Variants in HEPH observed in about 807,000 individuals in gnomAD.
The protein encoded by HEPH is hephaestin.
In HEPH, 69 loss-of-function variants were observed where a neutral mutation model predicts 80.8. The ratio of observed to expected loss-of-function variants is 0.85; its 90% confidence interval spans 0.70 to 1.04. The LOEUF is 1.04. Among genes scored for constraint, HEPH ranks in the 50% least tolerant of loss-of-function variants. HEPH has a pLI of 0.00. For missense variants in HEPH, 1,115 were observed against 891.3 expected (o/e 1.25, Z -3.20); for synonymous variants, 431 against 322.8 (o/e 1.34, Z -3.60).
At position 66,266,858 on chromosome X, in the gene HEPH, C is replaced by T. The variant is rs1310901378; in HGVS notation, c.*186C>T. 3 of 416,505 alleles carry T rather than the reference C, an allele frequency of 7.2e-6. No individual in the cohort carries two copies. Among genetic ancestry groups the T allele is most frequent in the African/African-American group, 2.5e-5 (1 of 40,003 alleles). 34.3% of individuals were successfully genotyped at this position (416,505 alleles called of 1,213,427 possible). A position where few individuals can be genotyped will look rare whatever the true frequency, so the allele number is the denominator to read the frequency against. On this transcript the variant is annotated 3_prime_UTR_variant, in exon 21 of 21. Coordinates refer to ENST00000343002, the MANE Select transcript of HEPH (RefSeq NM_001367233.3). ...TGGAAATAATATGATTTCACTTTTT[C>T]TTTAGTTTCTTTGCTCTACGTGGGC... is the stretch of plus-strand genomic sequence containing the variant.
chrX:66,196,282 ATGTG>A (rs2088089619), intron 9 of HEPH, among the ~76,000 whole-genome samples: 1 of 111,699 alleles, frequency 9.0e-6, no homozygotes, highest in Non-Finnish European at 1.9e-5. Flanking sequence ...AACTGTATGT[ATGTG>A]TGTGTAGATG....
In HEPH at chrX:66,197,905, G is replaced by A. The variant is rs2088193119; in HGVS notation, c.1713+11G>A. The A allele has an allele frequency of 4.2e-6, 5 of 1,177,019 alleles. No individual in the cohort carries two copies. Among genetic ancestry groups the A allele is most frequent in the Non-Finnish European group, 5.7e-6 (5 of 876,142 alleles). On this transcript the variant is annotated intron_variant, in intron 10 of 20. Coordinates refer to ENST00000343002, the MANE Select transcript of HEPH (RefSeq NM_001367233.3). ...GCAGATGGCAAGCAGGTATTGTCAG[G>A]GTTATCTGGCTGGAAAGCCTGCTGG...
At chrX:66,234,324 G>C in intron 15 of HEPH, among the ~76,000 whole-genome samples, 1 of 110,966 alleles carries the variant, frequency 9.0e-6, no homozygotes, top group African/African-American at 3.3e-5. Context: ...TACTATTGAT[G>C]GGCATTTCAG....
chrX:66,175,571 G>A (rs1021303550), intron 4 of HEPH, among the ~76,000 whole-genome samples: 7 of 111,088 alleles, frequency 6.3e-5, no homozygotes, highest in Non-Finnish European at 1.1e-4. Flanking sequence ...GATGGGAATT[G>A]CATTGAATTT....
chrX:66,213,193 C>G (rs2089227639), intron 15 of HEPH, among the ~76,000 whole-genome samples: 1 of 107,603 alleles, frequency 9.3e-6, no homozygotes, highest in South Asian at 4.2e-4. Context: ...CCTTCCCCCA[C>G]CCCACAACAG....
At chrX:66,163,766 T>G (rs1456469098), upstream of HEPH, among the ~76,000 whole-genome samples, 1 of 112,105 alleles carries the variant, frequency 8.9e-6, no homozygotes, top group Non-Finnish European at 1.9e-5. Flanking sequence ...AGAGCTGAAT[T>G]TTCCTCAGTT....
At chrX:66,265,204 T>C (rs1229436169) in intron 20 of HEPH, among the ~76,000 whole-genome samples, 2 of 110,926 alleles carry the variant, frequency 1.8e-5, no homozygotes, top group Non-Finnish European at 3.8e-5. Flanking sequence ...TTGAATTACA[T>C]TGATTGATGT....
chrX:66,220,117 A>T (rs896883582), intron 15 of HEPH, among the ~76,000 whole-genome samples: 9 of 111,155 alleles, frequency 8.1e-5, no homozygotes, highest in Non-Finnish European at 1.1e-4. Context: ...TTGAGCCAGG[A>T]ATTCATCAGG....
intron 1 of HEPH, among the ~76,000 whole-genome samples, chrX:66,166,235 C>A (rs2086354733): frequency 9.0e-6 from 1 of 111,069 alleles, no homozygotes; most frequent in Admixed American, 9.6e-5. Flanking sequence ...CTCTTGTTGC[C>A]CAGGCTGGAG....
rs1320619755 is a variant in HEPH, at chrX:66,260,227, G to T, written c.3164G>T (p.Gly1055Val). ...CATGTGACTGACCATGTCCATGCTG[G>T]CATGGAGACCCTCTTCACTGTTTTT... ...HCHVTDHVHA[G>V]METLFTVFSR... The change falls in exon 19 of 21, where the codon GGC becomes GTC. Residue 1055 changes from glycine to valine, a missense_variant. Around this residue, in one of 3 missense-constraint regions of HEPH, gnomAD observed 716 missense variants for 523.5 expected, o/e 1.37. Coordinates refer to ENST00000343002, the MANE Select transcript of HEPH (RefSeq NM_001367233.3). The T allele has an allele frequency of 8.3e-7, 1 of 1,209,108 alleles. No homozygotes were observed. Among genetic ancestry groups the T allele is most frequent in the Admixed American group, 2.2e-5 (1 of 45,925 alleles).
intron 17 of HEPH, among the ~76,000 whole-genome samples, chrX:66,258,553 G>A (rs1475056253): frequency 9.0e-6 from 1 of 111,655 alleles, no homozygotes; most frequent in Admixed American, 9.5e-5. Flanking sequence ...GTTGGGTGAA[G>A]TAAGGATCCA....
intron 4 of HEPH, among the ~76,000 whole-genome samples, chrX:66,177,178 AG>A (rs1337104877): frequency 9.0e-6 from 1 of 111,419 alleles, no homozygotes; most frequent in Non-Finnish European, 1.9e-5. Context: ...GATGGTCTGT[AG>A]TTTTCTTTTC....
chrX:66,206,372 T>G (rs2088779690), intron 13 of HEPH, among the ~76,000 whole-genome samples: 1 of 61,971 alleles, frequency 1.6e-5, no homozygotes, highest in African/African-American at 8.6e-5. Flanking sequence ...TTTTTTTTTT[T>G]TTTTTTTTTT....
chrX:66,228,827 T>A (rs1422066529), intron 15 of HEPH, among the ~76,000 whole-genome samples: 3 of 112,282 alleles, frequency 2.7e-5, no homozygotes, highest in Non-Finnish European at 5.6e-5. Context: ...CACAGTGTGA[T>A]ATCACATTAC....
chrX:66,218,152 T>G (rs186931439), intron 15 of HEPH, among the ~76,000 whole-genome samples: 8 of 111,202 alleles, frequency 7.2e-5, no homozygotes, highest in Non-Finnish European at 9.4e-5. Context: ...AAAGGAACAA[T>G]GGACTTAAAC....
At chrX:66,199,369 C>A (rs1047116216) in intron 11 of HEPH, among the ~76,000 whole-genome samples, 5 of 110,290 alleles carry the variant, frequency 4.5e-5, no homozygotes, top group South Asian at 4.0e-4. Context: ...GTCCCCCCCC[C>A]CCATACTCCA....
Position 66,258,837 on chromosome X carries a change from C to T in HEPH, c.2897-3C>T. The T allele has an allele frequency of 8.9e-7, 1 of 1,124,992 alleles. No homozygotes were observed. 92.7% of individuals were successfully genotyped at this position (1,124,992 alleles called of 1,213,427 possible). A position where few individuals can be genotyped will look rare whatever the true frequency, so the allele number is the denominator to read the frequency against. ...TTTCTTTTCTTTTCTTTTTTTTTGA[C>T]AGCAATCAATGGGAAACTCTATGCC... is the stretch of plus-strand genomic sequence containing the variant. On this transcript the variant is annotated splice_polypyrimidine_tract_variant and splice_region_variant and intron_variant, in intron 17 of 20. Transcript: ENST00000343002.
intron 4 of HEPH, among the ~76,000 whole-genome samples, chrX:66,177,055 T>C (rs960614999): frequency 9.0e-6 from 1 of 111,550 alleles, no homozygotes; most frequent in Non-Finnish European, 1.9e-5. Flanking sequence ...AGAAAATTTT[T>C]GCAACCTACT....
At chrX:66,236,543 A>G (rs770303718) in intron 15 of HEPH, among the ~76,000 whole-genome samples, 1 of 111,973 alleles carries the variant, frequency 8.9e-6, no homozygotes, top group East Asian at 2.8e-4. Flanking sequence ...TATTTTCATC[A>G]GTGTTCATCA....
Sources: allele counts gnomAD v4.1 joint callset (sites outside exome capture counted in the v4.1 genomes callset), GRCh38; gene constraint gnomAD v4.1.1; regional missense constraint gnomAD v4.1.1; transcripts MANE v1.5; gene names NCBI Gene and HGNC (gene_info 2026-07-23, HGNC 2026-07-21).